The following CACHD1 variants were observed in gnomAD, a reference collection of about 807,000 sequenced individuals.
CACHD1 encodes the protein cache domain containing 1.
CACHD1 carries 71 observed loss-of-function variants against 138.7 expected under a neutral mutation model. The ratio of observed to expected loss-of-function variants is 0.51; its 90% CI spans 0.42 to 0.62. The LOEUF (loss-of-function observed/expected upper bound fraction) is 0.62. Ranked by LOEUF, CACHD1 falls within the 20% of genes least tolerant of loss-of-function variation. CACHD1 has a pLI of 0.00. For synonymous variants in CACHD1, 578 were observed against 591.5 expected (o/e 0.98, Z 0.33); for missense variants, 1,389 against 1,625.3 (o/e 0.85, Z 2.50).
chr1:64,559,992 G>T (rs190867425), intron 2 of CACHD1, among the ~76,000 whole-genome samples: 1 of 152,188 alleles, frequency 6.6e-6, no homozygotes, highest in African/African-American at 2.4e-5. Context: ...TGGCATAAAG[G>T]TGTTTGTAAT....
intron 1 of CACHD1, among the ~76,000 whole-genome samples, chr1:64,531,962 A>T (rs991943937): frequency 6.6e-5 from 10 of 152,286 alleles, no homozygotes; most frequent in African/African-American, 2.4e-4. Context: ...GATGAGAAAG[A>T]ATGAGTCCCT....
chr1:64,545,220 G>A (rs1291315926), intron 1 of CACHD1, among the ~76,000 whole-genome samples: 1 of 152,192 alleles, frequency 6.6e-6, no homozygotes, highest in Non-Finnish European at 1.5e-5. Flanking sequence ...TATGTTTAAA[G>A]TAAATTTATT....
intron 19 of CACHD1, 21 bp downstream of exon 19, chr1:64,673,485 A>T: frequency 1.3e-6 from 2 of 1,544,334 alleles, no homozygotes; most frequent in Non-Finnish European, 1.8e-6. Flanking sequence ...CTGATTCCTT[A>T]ACACTCTCAT....
At chr1:64,684,957 A>G (rs951862545) in intron 26 of CACHD1, among the ~76,000 whole-genome samples, 1 of 152,078 alleles carries the variant, frequency 6.6e-6, no homozygotes, top group African/African-American at 2.4e-5. Flanking sequence ...TTACAGGCAC[A>G]TGCCACCATG....
At chr1:64,633,886 A>G (rs1648401108) in intron 6 of CACHD1, among the ~76,000 whole-genome samples, 158 bp from the exon 7 acceptor site, 1 of 152,126 alleles carries the variant, frequency 6.6e-6, no homozygotes, top group Admixed American at 6.5e-5. Context: ...TCCTTTTCAA[A>G]TTTGATAGAT....
intron 2 of CACHD1, among the ~76,000 whole-genome samples, chr1:64,562,399 G>A (rs551231465): frequency 2.2e-5 from 3 of 135,266 alleles, no homozygotes; most frequent in Admixed American, 1.7e-4. Flanking sequence ...TTCTTATGCT[G>A]CAGAATTTCC....
chr1:64,664,248 A>C (rs1649550590), intron 14 of CACHD1: 1 of 548,644 alleles, frequency 1.8e-6, no homozygotes, highest in Admixed American at 3.2e-5. Flanking sequence ...GACTCGCTAT[A>C]GGATTTTTCT....
intron 1 of CACHD1, among the ~76,000 whole-genome samples, chr1:64,527,750 AT>A (rs1646552195): frequency 1.3e-5 from 2 of 152,218 alleles, no homozygotes; most frequent in African/African-American, 2.4e-5. Context: ...ATTATATTTT[AT>A]TTTTTGTAGT....
intron 4 of CACHD1, among the ~76,000 whole-genome samples, chr1:64,627,020 T>C (rs1341085153): frequency 1.3e-5 from 2 of 152,052 alleles, no homozygotes; most frequent in Non-Finnish European, 2.9e-5. Context: ...CATGAAAAGT[T>C]GATCAAAGCC....
chr1:64,661,872 A>G (rs142169123), intron 13 of CACHD1, among the ~76,000 whole-genome samples: 212 of 152,344 alleles, frequency 1.4e-3, no homozygotes, highest in African/African-American at 4.5e-3. Context: ...CAGACTAGGT[A>G]ATTCTAACCC....
chr1:64,479,389 G>T (rs1413255163), intron 1 of CACHD1, among the ~76,000 whole-genome samples: 1 of 152,184 alleles, frequency 6.6e-6, no homozygotes, highest in Non-Finnish European at 1.5e-5. Flanking sequence ...ATTCTGGCAG[G>T]CCTCCCTAAG....
intron 1 of CACHD1, among the ~76,000 whole-genome samples, chr1:64,515,056 A>G (rs943901657): frequency 6.6e-6 from 1 of 152,216 alleles, no homozygotes; most frequent in African/African-American, 2.4e-5. Context: ...GTCATACTGC[A>G]TACAGTATTG....
At chr1:64,553,347 T>C (rs1255444419) in intron 2 of CACHD1, among the ~76,000 whole-genome samples, 1 of 152,202 alleles carries the variant, frequency 6.6e-6, no homozygotes, top group Non-Finnish European at 1.5e-5. Flanking sequence ...TTCTAGACTC[T>C]GTGGTCCTGG....
intron 2 of CACHD1, among the ~76,000 whole-genome samples, chr1:64,571,864 A>G (rs1646929653): frequency 6.6e-6 from 1 of 152,170 alleles, no homozygotes; most frequent in South Asian, 2.1e-4. Context: ...TTGGGTCTGG[A>G]GAAGAGAGTC....
At chr1:64,573,219 T>C (rs577641996) in intron 2 of CACHD1, among the ~76,000 whole-genome samples, 25 of 152,180 alleles carry the variant, frequency 1.6e-4, no homozygotes, top group African/African-American at 3.1e-4. Flanking sequence ...GGAGCCCCCA[T>C]GATGGAATTT....
chr1:64,634,324 G>A, intron 7 of CACHD1, 64 bp downstream of exon 7: 1 of 1,083,708 alleles, frequency 9.2e-7, no homozygotes, highest in East Asian at 2.4e-5. Context: ...GGAATATATT[G>A]TAAATTGATC....
At chr1:64,536,758 C>T (rs1042931430) in intron 1 of CACHD1, among the ~76,000 whole-genome samples, 1 of 152,102 alleles carries the variant, frequency 6.6e-6, no homozygotes, top group Non-Finnish European at 1.5e-5. Context: ...GTTGGATGTT[C>T]GGAGAAAACC....
At chr1:64,679,391 C>G (rs975706103) in intron 23 of CACHD1, among the ~76,000 whole-genome samples, 8 of 152,200 alleles carry the variant, frequency 5.3e-5, no homozygotes, top group Non-Finnish European at 8.8e-5. Context: ...GCCTAGCAAC[C>G]AACACTGGAG....
At chr1:64,582,450 A>G (rs1647020711) in intron 3 of CACHD1, 146 bp downstream of exon 3, 1 of 710,264 alleles carries the variant, frequency 1.4e-6, no homozygotes, top group Non-Finnish European at 2.2e-6. Context: ...TTATCTTTAG[A>G]TAAGTGATTT....
Sources: allele counts gnomAD v4.1 joint callset (sites outside exome capture counted in the v4.1 genomes callset), GRCh38; gene constraint gnomAD v4.1.1; transcripts MANE v1.5; gene names NCBI Gene and HGNC (gene_info 2026-07-23, HGNC 2026-07-21).